TMED10: variants seen among roughly 807,000 people sequenced by gnomAD.
The protein encoded by TMED10 is transmembrane emp24 domain-containing protein 10.
TMED10 carries 7 observed loss-of-function variants against 23.1 expected under a neutral mutation model. The ratio of observed to expected loss-of-function variants is 0.30; its 90% CI spans 0.17 to 0.57. The LOEUF (loss-of-function observed/expected upper bound fraction) is 0.57, where lower values mean the gene tolerates loss of function less well. TMED10 is among the 20% of genes least tolerant of loss of function. The probability of loss-of-function intolerance (pLI) is 0.91; values close to 1 mark genes in which losing one functional copy is unlikely to be tolerated. For missense variants in TMED10, 162 were observed against 274.8 expected, an observed-to-expected ratio of 0.59 and a Z score of 2.90; for synonymous variants, 113 against 106.9, an observed-to-expected ratio of 1.06 and a Z score of -0.35.
intron 1 of TMED10, among the ~76,000 whole-genome samples, chr14:75,175,113 GA>G (rs1053691526): frequency 7.3e-5 from 10 of 137,488 alleles, no homozygotes; most frequent in South Asian, 2.3e-4. Context: ...GTGTTACAAA[GA>G]AAAAAAAAGA....
intron 1 of TMED10, among the ~76,000 whole-genome samples, chr14:75,173,164 T>C (rs955735525): frequency 6.6e-6 from 1 of 152,166 alleles, no homozygotes; most frequent in African/African-American, 2.4e-5. Flanking sequence ...GATGGGCGGA[T>C]CACTTGAGCC....
chr14:75,133,744 A>G lies in TMED10; in HGVS notation c.*1141T>C, dbSNP rs1378829305. ...TTATTAGGGCAAAAAACTGAAAACA[A>G]CTCTTATGTCCTTTAGTGGGTGAAT... On this transcript the variant is annotated 3_prime_UTR_variant, in exon 5 of 5. Coordinates refer to ENST00000303575, the MANE Select transcript of TMED10 (RefSeq NM_006827.6). 5.7e-6 allele frequency: 1 copy of G among 174,654 alleles called. No homozygotes were observed. Among genetic ancestry groups the G allele is most frequent in the Non-Finnish European group, 1.2e-5 (1 of 80,382 alleles). 10.8% of individuals were successfully genotyped at this position (174,654 alleles called of 1,614,324 possible).
chr14:75,137,811 A>G (rs1007105032), intron 3 of TMED10, among the ~76,000 whole-genome samples: 6 of 151,782 alleles, frequency 4.0e-5, no homozygotes, highest in Non-Finnish European at 5.9e-5. Flanking sequence ...AGGTTCAAAA[A>G]AATCCTCCCA....
At chr14:75,151,868 T>C (rs943381884) in intron 2 of TMED10, among the ~76,000 whole-genome samples, 164 bp downstream of exon 2, 2 of 152,236 alleles carry the variant, frequency 1.3e-5, no homozygotes, top group African/African-American at 4.8e-5. Flanking sequence ...TTATTCCATG[T>C]AGTCGACCTT....
intron 1 of TMED10, among the ~76,000 whole-genome samples, chr14:75,167,500 T>C (rs1164324072): frequency 2.6e-5 from 4 of 151,242 alleles, no homozygotes; most frequent in Admixed American, 6.6e-5. Context: ...TGGCCTATAG[T>C]ATCTTCTCAT....
At position 75,131,550 on chromosome 14, in the gene TMED10, A is replaced by T. The variant is rs1425103284; in HGVS notation, c.*3335T>A. On this transcript the variant is annotated 3_prime_UTR_variant, in exon 5 of 5. Coordinates refer to ENST00000303575, the MANE Select transcript of TMED10 (RefSeq NM_006827.6). ...TTACAAGTGAATCTGTATAAATCCCATATGCCTCTTTCCCAAACAAACCAA... is the reference window on the plus strand; with the variant it reads ...TTACAAGTGAATCTGTATAAATCCCTTATGCCTCTTTCCCAAACAAACCAA... 1.3e-5 allele frequency: 2 copies of T among 152,634 alleles called. No homozygotes were observed. The highest frequency in any genetic ancestry group is 4.8e-5 in the African/African-American group (2 of 41,456). The allele number at this position is 152,634 out of a possible 1,614,324, so 9.5% of individuals were successfully genotyped here.
At chr14:75,176,228 T>A in intron 1 of TMED10, 127 bp downstream of exon 1, 4 of 1,199,002 alleles carry the variant, frequency 3.3e-6, no homozygotes, top group Non-Finnish European at 3.5e-6. Flanking sequence ...CCACCGCACG[T>A]CCTTTGCGCT....
chr14:75,172,682 A>G (rs1896249327), intron 1 of TMED10, among the ~76,000 whole-genome samples: 1 of 152,146 alleles, frequency 6.6e-6, no homozygotes, highest in Admixed American at 6.6e-5. Context: ...TGCATGCTGA[A>G]GTAGGCAGGA....
chr14:75,133,308 A>C lies in TMED10; in HGVS notation c.*1577T>G, dbSNP rs1162692162. 2.0e-5 allele frequency: 3 copies of C among 152,244 alleles called. No individual in the cohort carries two copies. Among genetic ancestry groups the C allele is most frequent in the African/African-American group, 4.8e-5 (2 of 41,462 alleles). The allele number at this position is 152,244 out of a possible 1,614,324, so 9.4% of individuals were successfully genotyped here. A position where few individuals can be genotyped will look rare whatever the true frequency, so the allele number is the denominator to read the frequency against. On this transcript the variant is annotated 3_prime_UTR_variant, in exon 5 of 5. Transcript: ENST00000303575. The stretch of plus-strand genomic sequence containing the variant: ...AACTCAATAGTAAAAAGAACAAATG[A>C]CCTAAATAGAAAATAGACAAAAGAC...
At chr14:75,153,339 T>C (rs1019758517) in intron 1 of TMED10, among the ~76,000 whole-genome samples, 9 of 152,050 alleles carry the variant, frequency 5.9e-5, no homozygotes, top group Non-Finnish European at 1.3e-4. Flanking sequence ...TATCTTTGGC[T>C]TCCATAAATG....
chr14:75,137,489 G>A (rs1312181477), intron 3 of TMED10, among the ~76,000 whole-genome samples: 10 of 147,416 alleles, frequency 6.8e-5, no homozygotes, highest in Non-Finnish European at 7.5e-5. Flanking sequence ...TGGCTAACAC[G>A]GTGAAACCCC....
intron 1 of TMED10, among the ~76,000 whole-genome samples, chr14:75,168,511 T>A (rs1475135550): frequency 6.6e-6 from 1 of 152,168 alleles, no homozygotes; most frequent in Non-Finnish European, 1.5e-5. Context: ...AGTACTAACA[T>A]CTATGGAGCA....
chr14:75,135,666 G>A, intron 4 of TMED10, 94 bp downstream of exon 4: 1 of 1,535,078 alleles, frequency 6.5e-7, no homozygotes, highest in Non-Finnish European at 8.8e-7. Flanking sequence ...TACCCACCTT[G>A]GCAAAACTGA....
chr14:75,173,455 G>GCGTGGCAAAAAGGCCCACATGCTTT (rs1485344990), intron 1 of TMED10, among the ~76,000 whole-genome samples: 1 of 152,128 alleles, frequency 6.6e-6, no homozygotes, highest in Non-Finnish European at 1.5e-5. Context: ...CCACATGCTT[G>GCGTGGCAAAAAGGCCCACATGCTTT]CATGGCAAGT....
At position 75,152,066 on chromosome 14, in the gene TMED10, A is replaced by G; in HGVS notation, c.303T>C (p.Asp101=). Residue 101 remains aspartate, a synonymous_variant, in exon 2 of 5, where the codon GAT becomes GAC. Transcript: ENST00000303575. ...CAAAACACACTTCAAACATGTCATA[A>G]TCTTCAGTGGTAAAGGCAAATTTCC... ...TKGKFAFTTE[D]YDMFEVCFES... is the part of the protein sequence containing the mutation. 1 of 1,614,024 alleles carries G rather than the reference A, an allele frequency of 6.2e-7. No homozygotes were observed. Among genetic ancestry groups the G allele is most frequent in the Non-Finnish European group, 8.5e-7 (1 of 1,179,960 alleles).
chr14:75,159,659 G>A lies in TMED10; in HGVS notation c.226-7516C>T, dbSNP rs530288104. ...ACATCATAAAGGAGCTTAAATGCACGTCATAAAATTCTTAAGTCATTGCTA... is the reference window on the plus strand; with the variant it reads ...ACATCATAAAGGAGCTTAAATGCACATCATAAAATTCTTAAGTCATTGCTA... On this transcript the variant is annotated intron_variant, in intron 1 of 4. Coordinates refer to ENST00000303575, the MANE Select transcript of TMED10 (RefSeq NM_006827.6). Among the ~76,000 whole-genome samples, 31 of 152,182 alleles carry A rather than the reference G, an allele frequency of 2.0e-4. No individual in the cohort carries two copies. The South Asian group carries it at 5.6e-3, about 28-fold the overall frequency.
intron 3 of TMED10, among the ~76,000 whole-genome samples, chr14:75,136,602 A>C (rs1251838977): frequency 6.6e-6 from 1 of 152,222 alleles, no homozygotes; most frequent in Non-Finnish European, 1.5e-5. Flanking sequence ...TAAACCTTTG[A>C]CAGTACATAG....
chr14:75,167,773 A>G (rs1392782189), intron 1 of TMED10, among the ~76,000 whole-genome samples: 1 of 152,132 alleles, frequency 6.6e-6, no homozygotes, highest in Non-Finnish European at 1.5e-5. Context: ...TGAGGCCAGG[A>G]GTTCGAGGTT....
Position 75,133,693 on chromosome 14 carries a change from C to T in TMED10, c.*1192G>A, listed in dbSNP as rs929508935. The T allele has an allele frequency of 6.3e-6, 1 of 158,662 alleles. No homozygotes were observed. The highest frequency in any genetic ancestry group is 1.4e-5 in the Non-Finnish European group (1 of 71,214). The allele number at this position is 158,662 out of a possible 1,614,324, so 9.8% of individuals were successfully genotyped here. ...ATGAAAATGTATGTTCACATAAAAA[C>T]CTGTACATGAATGTTCACAGCAGCT... On this transcript the variant is annotated 3_prime_UTR_variant, in exon 5 of 5. Coordinates refer to ENST00000303575, the MANE Select transcript of TMED10 (RefSeq NM_006827.6).
Sources: allele counts gnomAD v4.1 joint callset (sites outside exome capture counted in the v4.1 genomes callset), GRCh38; gene constraint gnomAD v4.1.1; transcripts MANE v1.5; gene names NCBI Gene and HGNC (gene_info 2026-07-23, HGNC 2026-07-21).